The following CDC42SE2 variants were observed in gnomAD, a reference collection of about 807,000 sequenced individuals.
The protein encoded by CDC42SE2 is CDC42 small effector protein 2.
In CDC42SE2, 3 loss-of-function variants were observed where a neutral mutation model predicts 11.5. That is an observed-to-expected ratio of 0.26 (90% CI 0.12 to 0.67). The LOEUF (loss-of-function observed/expected upper bound fraction) is 0.67, where lower values mean the gene tolerates loss of function less well. CDC42SE2 is among the 30% of genes least tolerant of loss of function. The probability of loss-of-function intolerance (pLI) is 0.80; values close to 1 mark genes in which losing one functional copy is unlikely to be tolerated. For missense variants in CDC42SE2, 82 were observed against 106.8 expected (o/e 0.77, Z 1.02); for synonymous variants, 33 against 34.8 (o/e 0.95, Z 0.18).
chr5:131,302,157 C>T (rs1757696611), intron 1 of CDC42SE2, among the ~76,000 whole-genome samples: 1 of 151,964 alleles, frequency 6.6e-6, no homozygotes, highest in African/African-American at 2.4e-5. Context: ...CAGGCACGCG[C>T]CACTACTGCC....
the CDC42SE2 span, among the ~76,000 whole-genome samples, chr5:131,222,203 G>A: frequency 6.6e-6 from 1 of 152,104 alleles, no homozygotes; most frequent in Non-Finnish European, 1.5e-5. Context: ...TACTAATTTG[G>A]GATGGAATCT....
chr5:131,335,993 G>C (rs1383452545), intron 2 of CDC42SE2, among the ~76,000 whole-genome samples: 2 of 152,224 alleles, frequency 1.3e-5, no homozygotes, highest in Non-Finnish European at 2.9e-5. Context: ...TGTTACGTGT[G>C]AGTTTGATCC....
chr5:131,310,540 A>C (rs1485829249), intron 1 of CDC42SE2, among the ~76,000 whole-genome samples: 6 of 151,838 alleles, frequency 4.0e-5, no homozygotes, highest in Non-Finnish European at 7.4e-5. Context: ...TAATGTTGAC[A>C]GTGGGGTGTT....
intron 1 of CDC42SE2, among the ~76,000 whole-genome samples, chr5:131,301,626 C>T (rs551415437): frequency 5.9e-5 from 9 of 151,806 alleles, no homozygotes; most frequent in South Asian, 4.2e-4. Flanking sequence ...GGCGTGGTGG[C>T]GCGTGCCTGT....
chr5:131,342,533 C>T (rs543740407), intron 2 of CDC42SE2, among the ~76,000 whole-genome samples: 63 of 149,078 alleles, frequency 4.2e-4, no homozygotes, highest in Middle Eastern at 3.6e-3. Context: ...GGGATACAGG[C>T]GCCCGCCACT....
At chr5:131,375,329 C>T (rs1180895475) in intron 3 of CDC42SE2, among the ~76,000 whole-genome samples, 1 of 146,558 alleles carries the variant, frequency 6.8e-6, no homozygotes, top group Non-Finnish European at 1.5e-5. Context: ...TAGTTACCTA[C>T]TAAACCCTAA....
chr5:131,250,927 C>A (rs192359724), intron 1 of CDC42SE2, among the ~76,000 whole-genome samples: 3 of 152,180 alleles, frequency 2.0e-5, no homozygotes. Flanking sequence ...AAATATACCA[C>A]ATGAATCCAG....
chr5:131,276,281 C>A (rs370199426), intron 1 of CDC42SE2, among the ~76,000 whole-genome samples: 250 of 126,006 alleles, frequency 2.0e-3, no homozygotes, highest in Non-Finnish European at 2.3e-3. Flanking sequence ...ACCCCATCTA[C>A]AAAAAAAAAA....
chr5:131,337,271 T>C (rs1758592067), intron 2 of CDC42SE2, among the ~76,000 whole-genome samples: 1 of 152,170 alleles, frequency 6.6e-6, no homozygotes, highest in South Asian at 2.1e-4. Context: ...CAGCGGTGGC[T>C]GCAGAACAGC....
At chr5:131,238,525 G>A in the CDC42SE2 span, among the ~76,000 whole-genome samples, 39 of 147,982 alleles carry the variant, frequency 2.6e-4, no homozygotes, top group Middle Eastern at 0.022. Flanking sequence ...AAAAAGTGAT[G>A]GGTTGTTGGG....
At chr5:131,367,259 GTAGTTTC>G (rs1460077370) in intron 3 of CDC42SE2, among the ~76,000 whole-genome samples, 1 of 151,874 alleles carries the variant, frequency 6.6e-6, no homozygotes, top group Non-Finnish European at 1.5e-5. Flanking sequence ...GGACATTTGA[GTAGTTTC>G]TAGTTTTAAG....
chr5:131,346,738 A>T (rs568533888), intron 2 of CDC42SE2, among the ~76,000 whole-genome samples: 210 of 152,242 alleles, frequency 1.4e-3, no homozygotes, highest in Non-Finnish European at 2.5e-3. Flanking sequence ...TCCAAAACTG[A>T]CCACATAGTT....
chr5:131,362,571 T>TCAC (rs749986735), intron 3 of CDC42SE2, among the ~76,000 whole-genome samples: 2 of 152,170 alleles, frequency 1.3e-5, no homozygotes, highest in Non-Finnish European at 2.9e-5. Flanking sequence ...TTGTTCCCTA[T>TCAC]CACCCCCTGC....
chr5:131,338,868 A>G (rs1758640400), intron 2 of CDC42SE2, among the ~76,000 whole-genome samples: 1 of 152,186 alleles, frequency 6.6e-6, no homozygotes, highest in Non-Finnish European at 1.5e-5. Context: ...TCTCAAGCCA[A>G]GGAATTAAAT....
intron 2 of CDC42SE2, among the ~76,000 whole-genome samples, chr5:131,317,793 T>G (rs182020404): frequency 2.0e-5 from 3 of 152,216 alleles, no homozygotes; most frequent in African/African-American, 7.2e-5. Context: ...ACCTGTGTTA[T>G]GATTTTACCA....
intron 2 of CDC42SE2, among the ~76,000 whole-genome samples, chr5:131,348,199 C>G (rs1758901679): frequency 6.6e-6 from 1 of 152,174 alleles, no homozygotes; most frequent in Non-Finnish European, 1.5e-5. Flanking sequence ...AAGAGGAAGT[C>G]AAATTGTCCC....
At chr5:131,351,760 T>A (rs1362128436) in intron 2 of CDC42SE2, among the ~76,000 whole-genome samples, 1 of 152,188 alleles carries the variant, frequency 6.6e-6, no homozygotes, top group Admixed American at 6.5e-5. Flanking sequence ...CTTTGCAACT[T>A]TGGGATATGT....
rs142056194 is a variant in CDC42SE2 at position 131,346,521 on chromosome 5, C to A, written c.-285-12688C>A. ...CATAAAGCAAGTCCTTAGAGACCTACAAAGAGACTTAGATTCCCACACAAT... is the reference window on the plus strand; with the variant it reads ...CATAAAGCAAGTCCTTAGAGACCTAAAAAGAGACTTAGATTCCCACACAAT... On this transcript the variant is annotated intron_variant, in intron 2 of 4. Coordinates refer to ENST00000505065, the MANE Select transcript of CDC42SE2 (RefSeq NM_001375635.1). Among the ~76,000 whole-genome samples the A allele has an allele frequency of 3.3e-5, 5 of 152,300 alleles. No homozygotes were observed. The East Asian group carries it at 5.8e-4, about 18-fold the overall frequency.
At chr5:131,308,131 AG>A (rs1757818675) in intron 1 of CDC42SE2, among the ~76,000 whole-genome samples, 1 of 152,140 alleles carries the variant, frequency 6.6e-6, no homozygotes, top group East Asian at 1.9e-4. Context: ...ATAAGGTGTA[AG>A]GAAGGGATCC....
Sources: gnomAD v4.1 joint callset for allele counts (sites outside exome capture counted in the v4.1 genomes callset) on GRCh38, gnomAD v4.1.1 for gene constraint, MANE v1.5 for transcripts, NCBI Gene and HGNC (gene_info 2026-07-23, HGNC 2026-07-21) for gene names.